The following SHC3 variants were observed in gnomAD, a reference collection of about 807,000 sequenced individuals.
SHC3 encodes SHC-transforming protein 3.
SHC3 carries 15 observed loss-of-function variants against 60.4 expected under a neutral mutation model. The ratio of observed to expected loss-of-function variants is 0.25; its 90% CI spans 0.17 to 0.38. The LOEUF (loss-of-function observed/expected upper bound fraction) is 0.38, where lower values mean the gene tolerates loss of function less well. Ranked by LOEUF, SHC3 falls within the 10% of genes least tolerant of loss-of-function variation. The pLI, the probability that SHC3 is intolerant of heterozygous loss-of-function variation, is 1.00. For synonymous variants in SHC3, 294 were observed against 325.9 expected (o/e 0.90, Z 1.05); for missense variants, 677 against 786.1 (o/e 0.86, Z 1.66).
At chr9:89,118,775 C>G (rs749429203) in intron 1 of SHC3, among the ~76,000 whole-genome samples, 1 of 152,142 alleles carries the variant, frequency 6.6e-6, no homozygotes, top group Non-Finnish European at 1.5e-5. Flanking sequence ...TGCACCCAAA[C>G]TAGCATCCCA....
intron 2 of SHC3, among the ~76,000 whole-genome samples, chr9:89,080,468 G>A (rs1232045636): frequency 6.6e-6 from 1 of 152,048 alleles, no homozygotes; most frequent in Non-Finnish European, 1.5e-5. Context: ...AAATCATGTA[G>A]TAGCATCTTT....
chr9:89,147,004 A>G (rs1012182619), intron 1 of SHC3, among the ~76,000 whole-genome samples: 3 of 152,214 alleles, frequency 2.0e-5, no homozygotes, highest in Non-Finnish European at 2.9e-5. Flanking sequence ...TATTCATAGC[A>G]GCATTATTCA....
At chr9:89,047,564 G>A (rs1374881880) in intron 7 of SHC3, among the ~76,000 whole-genome samples, 2 of 152,124 alleles carry the variant, frequency 1.3e-5, no homozygotes, top group African/African-American at 2.4e-5. Flanking sequence ...AAGACAACCC[G>A]ATCTTAAAAA....
intron 1 of SHC3, among the ~76,000 whole-genome samples, chr9:89,121,556 C>T (rs1380447092): frequency 1.3e-5 from 2 of 152,174 alleles, no homozygotes; most frequent in African/African-American, 4.8e-5. Context: ...TCCCAAAGTG[C>T]TGGGATTACA....
At chr9:89,058,030 G>C (rs1016950238) in intron 6 of SHC3, among the ~76,000 whole-genome samples, 2 of 152,238 alleles carry the variant, frequency 1.3e-5, no homozygotes, top group East Asian at 3.9e-4. Context: ...CAAGAAGCTG[G>C]AAGGAGTCTC....
In SHC3 at chr9:89,046,982, C is replaced by T. The variant is rs1238801837; in HGVS notation, c.975G>A (p.Leu325=). ...IPALHDRMQS[L]DEPWTEEEGD... ...CCTCCTCTTCCGTCCATGGCTCATCCAGACTCTGCATTCTGTTAAAGGAAG... is the reference window on the plus strand; with the variant it reads ...CCTCCTCTTCCGTCCATGGCTCATCTAGACTCTGCATTCTGTTAAAGGAAG... The change falls in exon 8 of 12, where the codon CTG becomes CTA. Residue 325 remains leucine (L), a synonymous_variant. Transcript: ENST00000375835. 6.3e-7 allele frequency: 1 copy of T among 1,588,348 alleles called. No homozygotes were observed. The highest frequency in any genetic ancestry group is 2.3e-5 in the East Asian group (1 of 44,212).
intron 1 of SHC3, among the ~76,000 whole-genome samples, chr9:89,136,136 C>A (rs989673950): frequency 1.3e-5 from 2 of 152,072 alleles, no homozygotes; most frequent in East Asian, 3.9e-4. Flanking sequence ...ATATCATTAC[C>A]CCTATTCAGC....
intron 7 of SHC3, 37 bp downstream of exon 7, chr9:89,052,000 C>T (rs1350442038): frequency 1.9e-6 from 3 of 1,609,378 alleles, no homozygotes; most frequent in Non-Finnish European, 2.5e-6. Flanking sequence ...ATAAAACCCA[C>T]ATAGGCTATT....
chr9:89,065,681 C>G, intron 5 of SHC3, 101 bp from the exon 6 acceptor site: 1 of 1,132,598 alleles, frequency 8.8e-7, no homozygotes, highest in Admixed American at 1.8e-5. Context: ...AGGACTCAAC[C>G]ACCAAACAGC....
At position 89,038,304 on chromosome 9, in the gene SHC3, T is replaced by C. The variant is rs764835744; in HGVS notation, c.1361-16A>G. On this transcript the variant is annotated splice_polypyrimidine_tract_variant and intron_variant, in intron 10 of 11. Coordinates refer to ENST00000375835, the MANE Select transcript of SHC3 (RefSeq NM_016848.6). The stretch of plus-strand genomic sequence containing the variant: ...TCAAAAGGTTCTGTCATCAACAATA[T>C]TGACCAGCAACAAGTCAATCCCAAG... The C allele has an allele frequency of 6.3e-7, 1 of 1,586,920 alleles. No homozygotes were observed. Among genetic ancestry groups the C allele is most frequent in the Non-Finnish European group, 8.6e-7 (1 of 1,166,314 alleles).
chr9:89,074,127 G>A (rs2066582450), intron 4 of SHC3, among the ~76,000 whole-genome samples: 1 of 152,188 alleles, frequency 6.6e-6, no homozygotes, highest in Non-Finnish European at 1.5e-5. Context: ...TCAACATCTT[G>A]GGTGGCAGGT....
intron 2 of SHC3, chr9:89,109,151 G>A: frequency 1.0e-6 from 1 of 983,128 alleles, no homozygotes; most frequent in African/African-American, 1.7e-5. Flanking sequence ...TAAATATCTT[G>A]TTAGTAAATG....
At chr9:89,054,825 A>G (rs1824922265) in intron 6 of SHC3, among the ~76,000 whole-genome samples, 1 of 152,244 alleles carries the variant, frequency 6.6e-6, no homozygotes, top group Non-Finnish European at 1.5e-5. Context: ...AACTCGTACC[A>G]ACAGCCTGCA....
chr9:89,157,870 C>T (rs1826648274), intron 1 of SHC3, among the ~76,000 whole-genome samples: 1 of 152,146 alleles, frequency 6.6e-6, no homozygotes, highest in African/African-American at 2.4e-5. Flanking sequence ...GACCCTCCCA[C>T]CTTCGCCTAC....
At chr9:89,056,395 C>T (rs1346937226) in intron 6 of SHC3, among the ~76,000 whole-genome samples, 1 of 152,114 alleles carries the variant, frequency 6.6e-6, no homozygotes, top group Admixed American at 6.6e-5. Context: ...TACGGGCACC[C>T]ACCACCACAC....
chr9:89,036,242 G>A (rs1158628240), intron 11 of SHC3, among the ~76,000 whole-genome samples: 1 of 152,074 alleles, frequency 6.6e-6, no homozygotes, highest in Non-Finnish European at 1.5e-5. Flanking sequence ...GAAAAGATAA[G>A]AACATAAAAT....
chr9:89,124,210 G>A (rs1447965015), intron 1 of SHC3, among the ~76,000 whole-genome samples: 1 of 152,164 alleles, frequency 6.6e-6, no homozygotes, highest in Non-Finnish European at 1.5e-5. Flanking sequence ...GCAAGGATGT[G>A]GAGAAATAGG....
At chr9:89,014,374 C>A (rs1826061105) in intron 11 of SHC3, among the ~76,000 whole-genome samples, 1 of 152,152 alleles carries the variant, frequency 6.6e-6, no homozygotes, top group Non-Finnish European at 1.5e-5. Flanking sequence ...TGGAGTGGGG[C>A]CTGTCAGGAG....
At chr9:89,069,444 G>A in intron 5 of SHC3, among the ~76,000 whole-genome samples, 1 of 152,232 alleles carries the variant, frequency 6.6e-6, no homozygotes, top group Non-Finnish European at 1.5e-5. Context: ...AGAAAAAAAA[G>A]AAGAGAAAGC....
Sources: gnomAD v4.1 joint callset for allele counts (sites outside exome capture counted in the v4.1 genomes callset) on GRCh38, gnomAD v4.1.1 for gene constraint, MANE v1.5 for transcripts, NCBI Gene and HGNC (gene_info 2026-07-23, HGNC 2026-07-21) for gene names.